Variants in PZP observed in about 807,000 individuals in gnomAD.
PZP encodes the protein PZP alpha-2-macroglobulin like, also known as pregnancy zone protein.
In PZP, 150 loss-of-function variants were observed where a neutral mutation model predicts 179.8. That is an observed-to-expected ratio of 0.83 (90% CI 0.73 to 0.96). The LOEUF (loss-of-function observed/expected upper bound fraction) is 0.96, where lower values mean the gene tolerates loss of function less well. Ranked by LOEUF, PZP falls within the 40% of genes least tolerant of loss-of-function variation. The probability of loss-of-function intolerance (pLI) is 0.00; values close to 1 mark genes in which losing one functional copy is unlikely to be tolerated. For missense variants in PZP, 1,689 were observed against 1,764.0 expected, an observed-to-expected ratio of 0.96 and a Z score of 0.76; for synonymous variants, 624 against 652.3, an observed-to-expected ratio of 0.96 and a Z score of 0.66.
intron 19 of PZP, 53 bp downstream of exon 19, chr12:9,165,086 C>G: frequency 6.4e-7 from 1 of 1,565,020 alleles, no homozygotes; most frequent in Non-Finnish European, 8.8e-7. Flanking sequence ...GCTGACTGAT[C>G]AAAGGAATCT....
chr12:9,158,695 TGA>T, intron 25 of PZP, 119 bp from the exon 26 acceptor site: 1 of 962,754 alleles, frequency 1.0e-6, no homozygotes. Context: ...CAGCTGTTAC[TGA>T]GAGTTTGGAG....
At chr12:9,172,074 G>A (rs1322336906) in intron 15 of PZP, among the ~76,000 whole-genome samples, 1 of 152,090 alleles carries the variant, frequency 6.6e-6, no homozygotes, top group Non-Finnish European at 1.5e-5. Context: ...AAGAAACCAT[G>A]TTAAGGACAC....
chr12:9,182,149 C>CATAAGTGAGACAAAATGGTG, intron 13 of PZP, 32 bp from the exon 14 acceptor site: 23 of 1,606,632 alleles, frequency 1.4e-5, no homozygotes, highest in Non-Finnish European at 1.9e-5. Context: ...ACAAAATGGT[C>CATAAGTGAGACAAAATGGTG]ATAAGTGAGA....
intron 13 of PZP, among the ~76,000 whole-genome samples, chr12:9,190,773 A>T (rs1476344607): frequency 1.3e-5 from 2 of 152,206 alleles, no homozygotes; most frequent in Admixed American, 1.3e-4. Flanking sequence ...TGAAAATTAA[A>T]TAGGCAAATA....
At chr12:9,165,087 A>T in intron 19 of PZP, 52 bp downstream of exon 19, 3 of 1,568,360 alleles carry the variant, frequency 1.9e-6, no homozygotes, top group Non-Finnish European at 2.6e-6. Context: ...CTGACTGATC[A>T]AAGGAATCTT....
At chr12:9,147,081 G>C (rs980722097), downstream of PZP, among the ~76,000 whole-genome samples, 1 of 152,184 alleles carries the variant, frequency 6.6e-6, no homozygotes, top group African/African-American at 2.4e-5. Flanking sequence ...CGACTGGCAA[G>C]GCAGATGTCA....
At chr12:9,206,115 T>C (rs1944427412) in intron 1 of PZP, among the ~76,000 whole-genome samples, 1 of 152,172 alleles carries the variant, frequency 6.6e-6, no homozygotes, top group East Asian at 1.9e-4. Flanking sequence ...TCTTAATCTT[T>C]TTCTGGTATC....
At chr12:9,184,792 G>C (rs1445564108) in intron 13 of PZP, among the ~76,000 whole-genome samples, 4 of 152,178 alleles carry the variant, frequency 2.6e-5, no homozygotes. Flanking sequence ...TGCAATCCAG[G>C]AGTCCTGAAC....
chr12:9,148,635 A>G (rs765600259), downstream of PZP, among the ~76,000 whole-genome samples: 2 of 152,196 alleles, frequency 1.3e-5, no homozygotes, highest in East Asian at 1.9e-4. Context: ...CGTTTATATT[A>G]TCTATCATCC....
rs148059243 is a variant in PZP, at chr12:9,157,285, C to A, written c.3440G>T (p.Gly1147Val). The change falls in exon 28 of 36, where the codon GGG becomes GTG. Residue 1147 changes from glycine (G) to valine (V), a missense_variant. Physicochemically the swap from Gly to Val is moderately radical, Grantham distance 109 (BLOSUM62 -3). Around this residue, in one of 3 missense-constraint regions of PZP, gnomAD observed 746 missense variants for 749.2 expected, o/e 1.00. Coordinates refer to ENST00000261336, the MANE Select transcript of PZP (RefSeq NM_002864.3). ...CAATGCCTTGGTGTAGACATGGCTCCCATGGGTCCCCTCCTTTGCTACATT... is the reference window on the plus strand; with the variant it reads ...CAATGCCTTGGTGTAGACATGGCTCACATGGGTCCCCTCCTTTGCTACATT... ...AWNVAKEGTHGSHVYTKALLA... is the reference protein window; with the variant it reads ...AWNVAKEGTHVSHVYTKALLA... The A allele has an allele frequency of 4.3e-6, 7 of 1,613,838 alleles. No homozygotes were observed. The African/African-American group carries it at 9.3e-5, about 22-fold the overall frequency.
At chr12:9,165,734 T>C (rs1036165358) in intron 18 of PZP, among the ~76,000 whole-genome samples, 2 of 152,244 alleles carry the variant, frequency 1.3e-5, no homozygotes, top group Non-Finnish European at 2.9e-5. Context: ...GCCTGATTTG[T>C]TTATGTGCCT....
At chr12:9,205,098 A>G (rs1158576023) in intron 1 of PZP, among the ~76,000 whole-genome samples, 1 of 152,202 alleles carries the variant, frequency 6.6e-6, no homozygotes, top group Non-Finnish European at 1.5e-5. Context: ...GTTTCAAAAA[A>G]AAACAAAACA....
intron 31 of PZP, 27 bp downstream of exon 31, chr12:9,152,797 A>G: frequency 6.2e-7 from 1 of 1,604,256 alleles, no homozygotes; most frequent in Non-Finnish European, 8.5e-7. Context: ...TGGGCCAAAG[A>G]TAGGTGATTA....
intron 6 of PZP, 91 bp from the exon 7 acceptor site, chr12:9,200,539 T>C: frequency 1.0e-6 from 1 of 1,005,020 alleles, no homozygotes; most frequent in African/African-American, 1.6e-5. Context: ...TTTCCCAAAA[T>C]AACACTCTGA....
chr12:9,174,850 TAAG>T (rs1032953106), intron 15 of PZP, among the ~76,000 whole-genome samples: 7 of 152,188 alleles, frequency 4.6e-5, no homozygotes, highest in African/African-American at 7.2e-5. Context: ...TCCTCACGCA[TAAG>T]AAGAATCAGT....
In PZP at chr12:9,157,769, T is replaced by C; in HGVS notation, c.3367A>G (p.Thr1123Ala). The change falls in exon 27 of 36, where the codon ACT becomes GCT. Residue 1123 changes from threonine (T) to alanine (A), a missense_variant and splice_region_variant. Thr to Ala is a moderately conservative substitution (Grantham distance 58). Transcript: ENST00000261336. ...IALLEIPLPVTNPIVRNALFC... is the reference protein window; with the variant it reads ...IALLEIPLPVANPIVRNALFC... ...AATGGGATTGAGCTGGTACCTACAG[T>C]GACTGGGAGAGGAATTTCCAGAAGG... 1 of 1,613,440 alleles carries C rather than the reference T, an allele frequency of 6.2e-7. No homozygotes were observed. The highest frequency in any genetic ancestry group is 2.2e-5 in the East Asian group (1 of 44,882).
At chr12:9,196,069 A>G (rs77302321) in intron 10 of PZP, among the ~76,000 whole-genome samples, 2 of 152,198 alleles carry the variant, frequency 1.3e-5, no homozygotes, top group Non-Finnish European at 2.9e-5. Flanking sequence ...AAGAGGTTTG[A>G]TATAACAACT....
At chr12:9,192,940 C>A (rs141077215) in intron 11 of PZP, among the ~76,000 whole-genome samples, 119 of 152,306 alleles carry the variant, frequency 7.8e-4, no homozygotes, top group African/African-American at 2.7e-3. Flanking sequence ...AAATTTATCT[C>A]TTTTGCCCTG....
At chr12:9,165,931 A>G in intron 18 of PZP, 121 bp downstream of exon 18, 1 of 1,246,766 alleles carries the variant, frequency 8.0e-7, no homozygotes, top group Non-Finnish European at 1.1e-6. Flanking sequence ...GGTCTATCCT[A>G]AAGAGGAAGA....
Sources: gnomAD v4.1 joint callset for allele counts (sites outside exome capture counted in the v4.1 genomes callset) on GRCh38, gnomAD v4.1.1 for gene constraint, gnomAD v4.1.1 regional missense constraint, MANE v1.5 for transcripts, NCBI Gene and HGNC (gene_info 2026-07-23, HGNC 2026-07-21) for gene names.